Variants in WASHC3 observed in about 807,000 individuals in gnomAD.
The protein encoded by WASHC3 is WASH complex subunit CCDC53.
A neutral mutation model predicts 26.1 loss-of-function variants in WASHC3; 24 were observed. The ratio of observed to expected loss-of-function variants is 0.92; its 90% CI spans 0.66 to 1.29. WASHC3 has a LOEUF of 1.29. WASHC3 is among the 50% of genes most tolerant of loss of function. The pLI, the probability that WASHC3 is intolerant of heterozygous loss-of-function variation, is 0.00. For missense variants in WASHC3, 214 were observed against 229.6 expected (o/e 0.93, Z 0.44); for synonymous variants, 77 against 75.7 (o/e 1.02, Z -0.09).
rs999193207 is a variant in WASHC3 at position 102,025,955 on chromosome 12, T to C, written c.500+19A>G. ...CAATGTCCTGGCAATAATATCATTATATTAGAAGAATTACTTACTCAAGAA... is the reference window on the plus strand; with the variant it reads ...CAATGTCCTGGCAATAATATCATTACATTAGAAGAATTACTTACTCAAGAA... On this transcript the variant is annotated intron_variant, in intron 6 of 6. Transcript: ENST00000240079. 3 of 1,205,000 alleles carry C rather than the reference T, an allele frequency of 2.5e-6. No individual in the cohort carries two copies. The highest frequency in any genetic ancestry group is 3.0e-5 in the African/African-American group (2 of 65,988). The allele number at this position is 1,205,000 out of a possible 1,614,324, so 74.6% of individuals were successfully genotyped here.
At chr12:102,023,962 G>GT (rs1443684539) in intron 6 of WASHC3, among the ~76,000 whole-genome samples, 1 of 152,156 alleles carries the variant, frequency 6.6e-6, no homozygotes. Flanking sequence ...CTCCGTGGTA[G>GT]TTACCTATGG....
rs149581447 is a variant in WASHC3 at position 102,023,570 on chromosome 12, G to A, written c.500+2404C>T. Among the ~76,000 whole-genome samples the A allele has an allele frequency of 3.3e-5, 5 of 152,178 alleles. No individual in the cohort carries two copies. In the East Asian group the frequency reaches 5.8e-4, roughly 18 times the overall value. Reference sequence around the variant, plus strand: ...TACTTTTCTCCTGAAGTGAGGCTCCGTAACTTTTATGTAAACATGATTCCA... The same window carrying A: ...TACTTTTCTCCTGAAGTGAGGCTCCATAACTTTTATGTAAACATGATTCCA... On this transcript the variant is annotated intron_variant, in intron 6 of 6. Transcript: ENST00000240079.
intron 6 of WASHC3, among the ~76,000 whole-genome samples, chr12:102,020,708 A>G (rs1281030460): frequency 6.6e-6 from 1 of 152,226 alleles, no homozygotes; most frequent in Admixed American, 6.5e-5. Flanking sequence ...ACTGATGGAA[A>G]CTACACACAC....
Position 102,014,726 on chromosome 12 carries a change from T to C in WASHC3, c.501-1534A>G, listed in dbSNP as rs1271160812. 3.7e-4 allele frequency among the ~76,000 whole-genome samples: 57 copies of C among 152,220 alleles called. 1 individual carries two copies. Among genetic ancestry groups the C allele is most frequent in the Admixed American group, 3.7e-3 (57 of 15,282 alleles). Reference sequence around the variant, plus strand: ...AGCTGGGTACAGCAGTTCCAGGATTTGACTGATGCTCCATCTGCCTAAAAT... The same window carrying C: ...AGCTGGGTACAGCAGTTCCAGGATTCGACTGATGCTCCATCTGCCTAAAAT... On this transcript the variant is annotated intron_variant, in intron 6 of 6. Transcript: ENST00000240079.
At chr12:102,044,943 TG>T (rs1878098165) in intron 3 of WASHC3, among the ~76,000 whole-genome samples, 1 of 152,152 alleles carries the variant, frequency 6.6e-6, no homozygotes. Context: ...TGGCTAACTT[TG>T]GGGATGACTC....
At chr12:102,024,023 C>G (rs1220685866) in intron 6 of WASHC3, among the ~76,000 whole-genome samples, 1 of 151,888 alleles carries the variant, frequency 6.6e-6, no homozygotes, top group African/African-American at 2.4e-5. Context: ...AATAGGTTAG[C>G]CAGGCCAGTA....
chr12:102,060,137 T>G (rs1878743094), intron 2 of WASHC3, among the ~76,000 whole-genome samples: 1 of 152,232 alleles, frequency 6.6e-6, no homozygotes, highest in African/African-American at 2.4e-5. Context: ...ATACCTTACA[T>G]AAGACAGAAT....
At chr12:102,025,878 T>C in intron 6 of WASHC3, 96 bp downstream of exon 6, 1 of 711,502 alleles carries the variant, frequency 1.4e-6, no homozygotes, top group Non-Finnish European at 2.4e-6. Flanking sequence ...TAAAACACTG[T>C]AGGAATAAAA....
chr12:102,061,027 C>T (rs1183047892), intron 2 of WASHC3, among the ~76,000 whole-genome samples: 2 of 150,904 alleles, frequency 1.3e-5, no homozygotes, highest in African/African-American at 4.9e-5. Flanking sequence ...GCCTGACTGA[C>T]CTATCTCACA....
At chr12:102,028,356 A>G (rs1877286908) in intron 5 of WASHC3, among the ~76,000 whole-genome samples, 1 of 152,142 alleles carries the variant, frequency 6.6e-6, no homozygotes, top group Non-Finnish European at 1.5e-5. Flanking sequence ...TAGGAGTTTG[A>G]AACATTCCAC....
At position 102,044,125 on chromosome 12, in the gene WASHC3, C is replaced by T. The variant is rs1305730144; in HGVS notation, c.304G>A (p.Ala102Thr). 5.0e-6 allele frequency: 8 copies of T among 1,603,980 alleles called. No homozygotes were observed. The highest frequency in any genetic ancestry group is 2.7e-5 in the African/African-American group (2 of 74,518). ...TSVTNGAHPE[A>T]TSEQPQQNST... is the part of the protein sequence containing the mutation. Reference sequence around the variant, plus strand: ...CTTACCTGTGGTTGCTCTGAAGTGGCTTCAGGATGTGCTCCATTTGTGACA... The same window carrying T: ...CTTACCTGTGGTTGCTCTGAAGTGGTTTCAGGATGTGCTCCATTTGTGACA... Residue 102 changes from alanine to threonine, a missense_variant, in exon 4 of 7, where the codon GCC (alanine) becomes ACC (threonine). Physicochemically the swap from Ala to Thr is moderately conservative, Grantham distance 58. Coordinates refer to ENST00000240079, the MANE Select transcript of WASHC3 (RefSeq NM_016053.4).
chr12:102,031,243 C>A (rs1032880397), intron 5 of WASHC3, among the ~76,000 whole-genome samples: 4 of 152,114 alleles, frequency 2.6e-5, no homozygotes, highest in African/African-American at 9.7e-5. Context: ...TATACTGGGG[C>A]CATGGCAAAG....
chr12:102,017,244 A>C (rs1396243028), intron 6 of WASHC3, among the ~76,000 whole-genome samples: 1 of 152,072 alleles, frequency 6.6e-6, no homozygotes, highest in African/African-American at 2.4e-5. Flanking sequence ...AGTACGCTAT[A>C]CCATTTAGGC....
In WASHC3 at chr12:102,029,880, C is replaced by T. The variant is rs181734607; in HGVS notation, c.436-3842G>A. ...CGGGAACTAGTAGAATTTGAAAAAACGCTACGGGTTGTTAAAAGGCAGCTA... is the reference window on the plus strand; with the variant it reads ...CGGGAACTAGTAGAATTTGAAAAAATGCTACGGGTTGTTAAAAGGCAGCTA... On this transcript the variant is annotated intron_variant, in intron 5 of 6. Coordinates refer to ENST00000240079, the MANE Select transcript of WASHC3 (RefSeq NM_016053.4). Among the ~76,000 whole-genome samples, 12 of 152,232 alleles carry T rather than the reference C, an allele frequency of 7.9e-5. No homozygotes were observed. The South Asian group carries it at 8.3e-4, about 11-fold the overall frequency.
chr12:102,013,115 C>T lies in WASHC3; in HGVS notation c.578G>A (p.Ser193Asn). The T allele has an allele frequency of 6.8e-7, 1 of 1,470,262 alleles. No homozygotes were observed. The highest frequency in any genetic ancestry group is 9.3e-7 in the Non-Finnish European group (1 of 1,071,486). The allele number at this position is 1,470,262 out of a possible 1,614,324, so 91.1% of individuals were successfully genotyped here. Residue 193 changes from serine to asparagine, a missense_variant, in exon 7 of 7, where the codon AGT (serine) becomes AAT (asparagine). By Grantham distance (46) the Ser-to-Asn change is conservative. Transcript: ENST00000240079. The stretch of plus-strand genomic sequence containing the variant: ...TTCTTATCAAAATTAAGCTTAATCA[C>T]TAAAAGAAGATTCGCTATCTGAACT... ...EESSDSESSF[S>N]D is the part of the protein sequence containing the mutation.
intron 5 of WASHC3, among the ~76,000 whole-genome samples, chr12:102,029,623 G>A (rs1877345547): frequency 6.6e-6 from 1 of 152,000 alleles, no homozygotes; most frequent in Admixed American, 6.6e-5. Context: ...GATTAGAAGG[G>A]GGAAAAACAA....
chr12:102,046,202 AAAACC>A, intron 2 of WASHC3, 83 bp from the exon 3 acceptor site: 1 of 759,134 alleles, frequency 1.3e-6, no homozygotes, highest in Non-Finnish European at 2.2e-6. Flanking sequence ...GAAAATATTA[AAAACC>A]ATTAAATATT....
At chr12:102,055,784 G>A (rs1878570728) in intron 2 of WASHC3, among the ~76,000 whole-genome samples, 1 of 152,210 alleles carries the variant, frequency 6.6e-6, no homozygotes. Context: ...CTACAGGAAT[G>A]TTTAGATGAG....
intron 5 of WASHC3, among the ~76,000 whole-genome samples, chr12:102,038,314 A>C (rs1481899746): frequency 2.0e-5 from 3 of 152,216 alleles, no homozygotes; most frequent in African/African-American, 7.2e-5. Flanking sequence ...GATTTTTTGA[A>C]GTTCTTATAA....
Sources: allele counts gnomAD v4.1 joint callset (sites outside exome capture counted in the v4.1 genomes callset), GRCh38; gene constraint gnomAD v4.1.1; transcripts MANE v1.5; gene names NCBI Gene and HGNC (gene_info 2026-07-23, HGNC 2026-07-21).